Variants in SMG7 observed in about 807,000 individuals in gnomAD.
The protein encoded by SMG7 is nonsense-mediated mRNA decay factor SMG7.
In SMG7, 34 loss-of-function variants were observed where a neutral mutation model predicts 148.2. The observed-to-expected ratio is 0.23, with a 90% CI of 0.17 to 0.31. SMG7 has a LOEUF of 0.31. Among genes scored for constraint, SMG7 ranks in the 10% least tolerant of loss-of-function variants. SMG7 has a pLI of 1.00. For missense variants in SMG7, 1,114 were observed against 1,408.4 expected, an observed-to-expected ratio of 0.79 and a Z score of 3.35; for synonymous variants, 492 against 515.1, an observed-to-expected ratio of 0.96 and a Z score of 0.61.
intron 1 of SMG7, among the ~76,000 whole-genome samples, chr1:183,503,736 C>T (rs1660275241): frequency 6.6e-6 from 1 of 152,188 alleles, no homozygotes; most frequent in Non-Finnish European, 1.5e-5. Context: ...ATTACCCCTC[C>T]TTATTCAAAT....
rs904811888 is a variant in SMG7 at position 183,540,922 on chromosome 1, G to T, written c.1296-62G>T. 6 of 1,549,676 alleles carry T rather than the reference G, an allele frequency of 3.9e-6. No individual in the cohort carries two copies. The African/African-American group carries it at 8.2e-5, about 21-fold the overall frequency. ...CCATTACAGTTAATCAGGTGAACTT[G>T]GTTGCCTGGAAAATATCTTTAGCAA... On this transcript the variant is annotated intron_variant, in intron 12 of 22. Transcript: ENST00000688051.
At chr1:183,534,203 T>G (rs1667342042) in intron 10 of SMG7, among the ~76,000 whole-genome samples, 1 of 152,240 alleles carries the variant, frequency 6.6e-6, no homozygotes, top group African/African-American at 2.4e-5. Context: ...TTCCATTTTT[T>G]TCTGTACATG....
chr1:183,519,801 G>A lies in SMG7; in HGVS notation c.312+1981G>A, dbSNP rs139865329. Among the ~76,000 whole-genome samples, 104 of 152,150 alleles carry A rather than the reference G, an allele frequency of 6.8e-4. 2 individuals are homozygous for A. The highest frequency in any genetic ancestry group is 2.4e-3 in the African/African-American group (101 of 41,508). On this transcript the variant is annotated intron_variant, in intron 4 of 22. Transcript: ENST00000688051. The stretch of plus-strand genomic sequence containing the variant: ...TAATGTAAGCTTTTCCTTGTTAACA[G>A]TTTAGCATTTTTGTGTATAAAGCAT...
chr1:183,491,715 G>A (rs919560747), intron 1 of SMG7, among the ~76,000 whole-genome samples: 2 of 152,108 alleles, frequency 1.3e-5, no homozygotes, highest in African/African-American at 4.8e-5. Context: ...ATGGATTGGT[G>A]TCTTGATCTA....
At chr1:183,491,643 A>G (rs558410144) in intron 1 of SMG7, among the ~76,000 whole-genome samples, 1 of 152,278 alleles carries the variant, frequency 6.6e-6, no homozygotes, top group South Asian at 2.1e-4. Flanking sequence ...ATAAATACTG[A>G]TGAATCTAGT....
intron 1 of SMG7, among the ~76,000 whole-genome samples, chr1:183,479,037 G>A (rs1435333764): frequency 6.6e-6 from 1 of 152,170 alleles, no homozygotes; most frequent in Non-Finnish European, 1.5e-5. Context: ...TGGCAGGTAT[G>A]TCACATGGTA....
At chr1:183,488,049 G>A (rs535201148) in intron 1 of SMG7, among the ~76,000 whole-genome samples, 1 of 152,326 alleles carries the variant, frequency 6.6e-6, no homozygotes, top group South Asian at 2.1e-4. Flanking sequence ...GTGTTCATAT[G>A]TCAGTAGCCT....
chr1:183,515,860 T>A lies in SMG7; in HGVS notation c.62-14T>A. 1 of 1,575,404 alleles carries A rather than the reference T, an allele frequency of 6.3e-7. No individual in the cohort carries two copies. The highest frequency in any genetic ancestry group is 1.1e-5 in the South Asian group (1 of 90,154). ...TTATCTATCTACCGTTATGTTTTTG[T>A]TTTTGTTACTCAGATTCTAAGCTGG... On this transcript the variant is annotated splice_polypyrimidine_tract_variant and intron_variant, in intron 2 of 22. Transcript: ENST00000688051.
chr1:183,493,526 C>G (rs1657588938), intron 1 of SMG7, among the ~76,000 whole-genome samples: 1 of 152,126 alleles, frequency 6.6e-6, no homozygotes, highest in South Asian at 2.1e-4. Flanking sequence ...TCTCTAAATG[C>G]CAGTGGGATC....
At chr1:183,513,481 C>G (rs1662672075) in intron 2 of SMG7, 1 of 152,336 alleles carries the variant, frequency 6.6e-6, no homozygotes, top group Non-Finnish European at 1.4e-5. Flanking sequence ...AAGCGATTCT[C>G]CTGCCTCAGC....
At chr1:183,540,575 A>G (rs1283412910) in intron 12 of SMG7, among the ~76,000 whole-genome samples, 1 of 152,180 alleles carries the variant, frequency 6.6e-6, no homozygotes, top group African/African-American at 2.4e-5. Context: ...ATAGATTAAT[A>G]TTATTTATTA....
chr1:183,547,991 C>G (rs1670228329), intron 18 of SMG7, among the ~76,000 whole-genome samples: 1 of 152,210 alleles, frequency 6.6e-6, no homozygotes, highest in East Asian at 1.9e-4. Flanking sequence ...GGCTTTTTCC[C>G]CTCTCTTTAT....
intron 1 of SMG7, among the ~76,000 whole-genome samples, chr1:183,500,023 TAAA>T (rs1659395987): frequency 6.6e-6 from 1 of 152,190 alleles, no homozygotes; most frequent in Non-Finnish European, 1.5e-5. Flanking sequence ...GGACTATTTT[TAAA>T]AAGGCATTGG....
At chr1:183,498,388 C>CTG (rs1253426970) in intron 1 of SMG7, among the ~76,000 whole-genome samples, 1 of 152,152 alleles carries the variant, frequency 6.6e-6, no homozygotes, top group African/African-American at 2.4e-5. Flanking sequence ...AATTAGCCAT[C>CTG]TGTGGTGGCA....
At chr1:183,539,850 A>T (rs1223172192) in intron 12 of SMG7, among the ~76,000 whole-genome samples, 1 of 152,232 alleles carries the variant, frequency 6.6e-6, no homozygotes, top group Non-Finnish European at 1.5e-5. Flanking sequence ...TACCTGAAGT[A>T]TAAAAACCTT....
At chr1:183,490,269 A>C (rs572718502) in intron 1 of SMG7, among the ~76,000 whole-genome samples, 46 of 152,366 alleles carry the variant, frequency 3.0e-4, no homozygotes, top group African/African-American at 1.1e-3. Flanking sequence ...CATAAAGTTC[A>C]AAGACAGGGA....
chr1:183,498,785 T>C (rs755825440), intron 1 of SMG7, among the ~76,000 whole-genome samples: 3 of 152,236 alleles, frequency 2.0e-5, no homozygotes, highest in Non-Finnish European at 4.4e-5. Context: ...TCATTTTACA[T>C]TATAGTTCAC....
chr1:183,476,686 T>C (rs1269129506), intron 1 of SMG7, among the ~76,000 whole-genome samples: 1 of 152,206 alleles, frequency 6.6e-6, no homozygotes, highest in East Asian at 1.9e-4. Context: ...TGTTGAAAGG[T>C]AAGTATCTTT....
At chr1:183,495,490 C>G (rs1177834883) in intron 1 of SMG7, among the ~76,000 whole-genome samples, 2 of 152,140 alleles carry the variant, frequency 1.3e-5, no homozygotes, top group Admixed American at 1.3e-4. Context: ...AGAACTTACG[C>G]TAGAAGCTAA....
Sources: allele counts gnomAD v4.1 joint callset (sites outside exome capture counted in the v4.1 genomes callset), GRCh38; gene constraint gnomAD v4.1.1; transcripts MANE v1.5; gene names NCBI Gene and HGNC (gene_info 2026-07-23, HGNC 2026-07-21).